Variants in COL4A2 observed in about 807,000 individuals in gnomAD.
COL4A2 encodes collagen type IV alpha 2 chain.
In COL4A2, 99 loss-of-function variants were observed where a neutral mutation model predicts 200.2. That is an observed-to-expected ratio of 0.49 (90% CI 0.42 to 0.58). The LOEUF (loss-of-function observed/expected upper bound fraction) is 0.58, where lower values mean the gene tolerates loss of function less well. Among genes scored for constraint, COL4A2 ranks in the 20% least tolerant of loss-of-function variants. The probability of loss-of-function intolerance (pLI) is 0.00; values close to 1 mark genes in which losing one functional copy is unlikely to be tolerated. For synonymous variants in COL4A2, 897 were observed against 900.6 expected (o/e 1.00, Z 0.07); for missense variants, 1,950 against 2,314.1 (o/e 0.84, Z 3.23).
At chr13:110,333,132 A>G (rs748186923) in intron 3 of COL4A2, among the ~76,000 whole-genome samples, 40 of 152,130 alleles carry the variant, frequency 2.6e-4, no homozygotes, top group Non-Finnish European at 3.2e-4. Flanking sequence ...CTACTTTCTG[A>G]CCTTGACTTA....
At position 110,473,156 on chromosome 13, in the gene COL4A2, TGCCCCATCGGGGAGCCGGGG is replaced by T. The variant is rs1298962300; in HGVS notation, c.2425+15_2425+34del. The T allele has an allele frequency of 6.4e-7, 1 of 1,551,248 alleles. No individual in the cohort carries two copies. The highest frequency in any genetic ancestry group is 2.0e-5 in the Admixed American group (1 of 51,060). ...AGGCCCCCCTGGATTCAGAGGTGAG[TGCCCCATCGGGGAGCCGGGG>T]GCCCCATCCCAGATGCACAGTGGCC... On this transcript the variant is annotated splice_region_variant and intron_variant, in intron 29 of 47. Coordinates refer to ENST00000360467, the MANE Select transcript of COL4A2 (RefSeq NM_001846.4).
intron 3 of COL4A2, among the ~76,000 whole-genome samples, chr13:110,336,728 G>A (rs1033552414): frequency 1.3e-5 from 2 of 152,142 alleles, no homozygotes; most frequent in South Asian, 2.1e-4. Context: ...CTTCCTTCCC[G>A]AGGATGTTTG....
chr13:110,437,913 T>G, intron 13 of COL4A2, 89 bp from the exon 14 acceptor site: 1 of 1,052,910 alleles, frequency 9.5e-7, no homozygotes, highest in South Asian at 1.3e-5. Context: ...GATTCAGTAC[T>G]TTCAGCTCAT....
chr13:110,453,137 A>G (rs1237868974), intron 20 of COL4A2, among the ~76,000 whole-genome samples: 1 of 152,226 alleles, frequency 6.6e-6, no homozygotes, highest in African/African-American at 2.4e-5. Flanking sequence ...TTTCCTAAGC[A>G]AATGGTATCT....
Position 110,446,775 on chromosome 13 carries a change from G to A in COL4A2, c.1012-23G>A, listed in dbSNP as rs7326449. ...CTCCAAAAGGCTATTCTCACATCCTGTTTTTCTCTTTTCTTTCTCTAGGGA... is the reference window on the plus strand; with the variant it reads ...CTCCAAAAGGCTATTCTCACATCCTATTTTTCTCTTTTCTTTCTCTAGGGA... On this transcript the variant is annotated intron_variant, in intron 17 of 47. Coordinates refer to ENST00000360467, the MANE Select transcript of COL4A2 (RefSeq NM_001846.4). 1,261,032 of 1,602,554 alleles carry A rather than the reference G, an allele frequency of 0.79. 499,541 individuals carry two copies. The highest frequency in any genetic ancestry group is 0.85 in the Middle Eastern group (5,129 of 6,026).
chr13:110,444,703 A>C (rs34164708), intron 16 of COL4A2, among the ~76,000 whole-genome samples: 7,895 of 152,278 alleles, frequency 0.052, 240 homozygotes, highest in South Asian at 0.083. Flanking sequence ...TGAGAGCTGA[A>C]CCATGCATGT....
chr13:110,485,580 A>G, intron 33 of COL4A2, 75 bp from the exon 34 acceptor site: 1 of 1,045,532 alleles, frequency 9.6e-7, no homozygotes, highest in Non-Finnish European at 1.4e-6. Flanking sequence ...AAATGCATCC[A>G]GGCTGCAAAA....
At chr13:110,425,236 A>G (rs749193667) in intron 6 of COL4A2, among the ~76,000 whole-genome samples, 10 of 152,186 alleles carry the variant, frequency 6.6e-5, no homozygotes, top group Non-Finnish European at 1.3e-4. Context: ...TAAACTGCAC[A>G]TTGTTTGGTA....
At chr13:110,444,112 C>G (rs972518780) in intron 16 of COL4A2, among the ~76,000 whole-genome samples, 1 of 152,182 alleles carries the variant, frequency 6.6e-6, no homozygotes, top group African/African-American at 2.4e-5. Flanking sequence ...CAGAGGAATC[C>G]TGAGTGCTTC....
intron 3 of COL4A2, among the ~76,000 whole-genome samples, chr13:110,351,761 T>C (rs768306115): frequency 6.6e-6 from 1 of 152,154 alleles, no homozygotes; most frequent in South Asian, 2.1e-4. Context: ...GATGAGATAG[T>C]TGGCAAGGTA....
chr13:110,345,766 T>G (rs1175628452), intron 3 of COL4A2, among the ~76,000 whole-genome samples: 1 of 152,096 alleles, frequency 6.6e-6, no homozygotes, highest in Non-Finnish European at 1.5e-5. Context: ...TTCTGGCAAT[T>G]GGTCCACTGA....
intron 3 of COL4A2, among the ~76,000 whole-genome samples, chr13:110,354,922 G>A (rs1284239440): frequency 6.6e-6 from 1 of 152,190 alleles, no homozygotes; most frequent in African/African-American, 2.4e-5. Context: ...CATGCCACTT[G>A]CACCTCCACG....
chr13:110,379,241 A>T (rs1878364777), intron 4 of COL4A2, among the ~76,000 whole-genome samples: 1 of 152,198 alleles, frequency 6.6e-6, no homozygotes, highest in South Asian at 2.1e-4. Flanking sequence ...TGCACAGGAC[A>T]GCCCCGTGAA....
intron 24 of COL4A2, among the ~76,000 whole-genome samples, chr13:110,465,201 G>A (rs185724740): frequency 4.6e-3 from 697 of 152,272 alleles, no homozygotes; most frequent in Non-Finnish European, 6.4e-3. Flanking sequence ...ACCGGCTTCC[G>A]TGGCATTGCT....
chr13:110,307,632 A>C lies in COL4A2; in HGVS notation c.-45+104A>C. The C allele has an allele frequency of 1.8e-6, 1 of 545,730 alleles. No individual in the cohort carries two copies. The highest frequency in any genetic ancestry group is 3.2e-6 in the Non-Finnish European group (1 of 310,368). 33.8% of individuals were successfully genotyped at this position (545,730 alleles called of 1,614,324 possible). A position where few individuals can be genotyped will look rare whatever the true frequency, so the allele number is the denominator to read the frequency against. On this transcript the variant is annotated intron_variant, in intron 1 of 47. Coordinates refer to ENST00000360467, the MANE Select transcript of COL4A2 (RefSeq NM_001846.4). The surrounding 1 kb of genome is among the most constrained non-coding windows in gnomAD (Gnocchi z 5.0). ...CACGCTCTCCTGCTTGGGAGTAGAA[A>C]GGGGGAGGGTGGGAGAGCGAAGACC...
intron 13 of COL4A2, among the ~76,000 whole-genome samples, chr13:110,437,610 T>G (rs933921560): frequency 2.6e-5 from 4 of 152,236 alleles, no homozygotes; most frequent in Non-Finnish European, 5.9e-5. Context: ...TGTGTATCTT[T>G]TTCTCAGAGG....
At chr13:110,415,289 GAT>G in intron 4 of COL4A2, among the ~76,000 whole-genome samples, 1 of 152,102 alleles carries the variant, frequency 6.6e-6, no homozygotes, top group East Asian at 1.9e-4. Flanking sequence ...TAAATTAAAA[GAT>G]AAAATTTTTT....
At chr13:110,420,232 T>C (rs1004608541) in intron 4 of COL4A2, among the ~76,000 whole-genome samples, 1 of 152,240 alleles carries the variant, frequency 6.6e-6, no homozygotes, top group Non-Finnish European at 1.5e-5. Flanking sequence ...TCTGAGCCCC[T>C]GTCCTCTCTC....
At chr13:110,410,522 CACCTTCCTAAA>C (rs1879789896) in intron 4 of COL4A2, among the ~76,000 whole-genome samples, 1 of 152,194 alleles carries the variant, frequency 6.6e-6, no homozygotes, top group South Asian at 2.1e-4. Flanking sequence ...TGTCATCTGG[CACCTTCCTAAA>C]ACCTTCCCAT....
Sources: gnomAD v4.1 joint callset for allele counts (sites outside exome capture counted in the v4.1 genomes callset) on GRCh38, gnomAD v4.1.1 for gene constraint, Gnocchi (gnomAD v3.1) non-coding constraint, MANE v1.5 for transcripts, NCBI Gene and HGNC (gene_info 2026-07-23, HGNC 2026-07-21) for gene names.